The following MOV10L1 variants were observed in gnomAD, a reference collection of about 807,000 sequenced individuals.
MOV10L1 encodes RNA helicase Mov10l1.
Under a neutral mutation model 143.8 loss-of-function variants are expected in MOV10L1, and 110 were observed. The observed-to-expected ratio is 0.76, with a 90% CI of 0.66 to 0.90. The LOEUF (loss-of-function observed/expected upper bound fraction) is 0.90. Among genes scored for constraint, MOV10L1 ranks in the 40% least tolerant of loss-of-function variants. The pLI is 0.00. For synonymous variants in MOV10L1, 593 were observed against 581.1 expected (o/e 1.02, Z -0.29); for missense variants, 1,406 against 1,526.8 (o/e 0.92, Z 1.32).
chr22:50,126,130 G>C (rs2062497655), intron 11 of MOV10L1, 72 bp from the exon 12 acceptor site: 2 of 1,112,070 alleles, frequency 1.8e-6, no homozygotes, highest in Non-Finnish European at 2.7e-6. Flanking sequence ...CTCAGTGTTG[G>C]ATTTTATAGG....
chr22:50,153,364 CTTGT>C, intron 22 of MOV10L1, 146 bp downstream of exon 22: 11 of 984,796 alleles, frequency 1.1e-5, no homozygotes, highest in Non-Finnish European at 1.5e-5. Flanking sequence ...CCATCGGGGG[CTTGT>C]GCCCCCCAAG....
At chr22:50,148,452 C>T (rs891414692) in intron 19 of MOV10L1, among the ~76,000 whole-genome samples, 9 of 152,170 alleles carry the variant, frequency 5.9e-5, no homozygotes, top group East Asian at 3.9e-4. Context: ...CTTCTCCTGA[C>T]GACTCCTTCC....
rs562334764 is a variant in MOV10L1 at position 50,090,802 on chromosome 22, G to A, written c.97+617G>A. Reference sequence around the variant, plus strand: ...AGTGATTCTCCTGCCTCAGCCTCCCGAGCAGCGGGGATTATAGGCACCCGC... The same window carrying A: ...AGTGATTCTCCTGCCTCAGCCTCCCAAGCAGCGGGGATTATAGGCACCCGC... On this transcript the variant is annotated intron_variant, in intron 1 of 26. Transcript: ENST00000262794. The A allele has an allele frequency of 9.2e-5, 34 of 367,806 alleles. 1 individual carries two copies. The highest frequency in any genetic ancestry group is 1.5e-4 in the Non-Finnish European group (29 of 196,162). The allele number at this position is 367,806 out of a possible 1,614,324, so 22.8% of individuals were successfully genotyped here.
intron 3 of MOV10L1, among the ~76,000 whole-genome samples, chr22:50,105,318 G>T (rs2061841014): frequency 6.6e-6 from 1 of 152,162 alleles, no homozygotes; most frequent in Non-Finnish European, 1.5e-5. Flanking sequence ...CAAGTAAGTT[G>T]TCTCTGTCAT....
At chr22:50,160,943 G>A (rs771894454) in intron 25 of MOV10L1, 21 bp from the exon 26 acceptor site, 2 of 1,613,958 alleles carry the variant, frequency 1.2e-6, no homozygotes, top group Non-Finnish European at 1.7e-6. Flanking sequence ...CTCACACCAG[G>A]CTAATTGTTA....
intron 22 of MOV10L1, 46 bp downstream of exon 22, chr22:50,153,264 A>G: frequency 1.9e-6 from 3 of 1,560,264 alleles, no homozygotes; most frequent in Non-Finnish European, 2.6e-6. Flanking sequence ...GGGTAAGGAC[A>G]GTATGGCAGG....
chr22:50,155,798 G>C (rs1166619852), intron 22 of MOV10L1, among the ~76,000 whole-genome samples: 2 of 152,146 alleles, frequency 1.3e-5, no homozygotes, highest in Non-Finnish European at 2.9e-5. Flanking sequence ...TTAAATTCTA[G>C]GGCCGGATGT....
At chr22:50,145,114 G>A (rs1385804456) in intron 18 of MOV10L1, among the ~76,000 whole-genome samples, 1 of 151,610 alleles carries the variant, frequency 6.6e-6, no homozygotes. Context: ...AGCTAATTTT[G>A]TATTTTTAGT....
At position 50,146,781 on chromosome 22, in the gene MOV10L1, G is replaced by A. The variant is rs539600002; in HGVS notation, c.2627+971G>A. 8.5e-5 allele frequency among the ~76,000 whole-genome samples: 13 copies of A among 152,286 alleles called. No individual in the cohort carries two copies. The South Asian group carries it at 1.7e-3, about 19-fold the overall frequency. On this transcript the variant is annotated intron_variant, in intron 19 of 26. Transcript: ENST00000262794. ...CACAGCCAGCCACGCCTATCACAGC[G>A]TGTCACGGATGGTTTCATCGGCGCG... is the stretch of plus-strand genomic sequence containing the variant.
At chr22:50,092,714 C>T (rs2062483665) in intron 2 of MOV10L1, 1 of 153,048 alleles carries the variant, frequency 6.5e-6, no homozygotes, top group South Asian at 2.1e-4. Context: ...TAAAGTTTGC[C>T]TATGAATTTA....
chr22:50,151,686 G>A (rs916128357), intron 21 of MOV10L1, among the ~76,000 whole-genome samples: 3 of 152,214 alleles, frequency 2.0e-5, no homozygotes, highest in African/African-American at 7.2e-5. Context: ...CCGGAGGTTC[G>A]CCTCATCCTC....
At chr22:50,090,619 C>A (rs1602091998) in intron 1 of MOV10L1, 2 of 1,420,832 alleles carry the variant, frequency 1.4e-6, no homozygotes, top group Middle Eastern at 3.5e-4. Flanking sequence ...TCAAGCCCAT[C>A]TTTCTAAAGC....
At chr22:50,119,333 C>T (rs779280443) in intron 9 of MOV10L1, among the ~76,000 whole-genome samples, 2 of 152,132 alleles carry the variant, frequency 1.3e-5, no homozygotes, top group Non-Finnish European at 2.9e-5. Context: ...CGGGCATTGG[C>T]GGGTGCCTGC....
In MOV10L1 at chr22:50,090,180, C is replaced by T; in HGVS notation, c.92C>T (p.Ala31Val). 1.4e-6 allele frequency: 2 copies of T among 1,418,132 alleles called. No homozygotes were observed. The highest frequency in any genetic ancestry group is 1.6e-5 in the South Asian group (1 of 63,244). 87.8% of individuals were successfully genotyped at this position (1,418,132 alleles called of 1,614,324 possible). A position where few individuals can be genotyped will look rare whatever the true frequency, so the allele number is the denominator to read the frequency against. Residue 31 changes from alanine (A) to valine (V), a missense_variant, in exon 1 of 27, where the codon GCG becomes GTG. Coordinates refer to ENST00000262794, the MANE Select transcript of MOV10L1 (RefSeq NM_018995.3). ...EEAGQLEPEL[A>V]EGDTKLKTVR... The stretch of plus-strand genomic sequence containing the variant: ...GCCGGGCAGCTGGAGCCCGAGCTCG[C>T]GGAAGGTGGCTCGCGGGAGGCGGCT...
chr22:50,153,077 C>T lies in MOV10L1; in HGVS notation c.2925C>T (p.His975=), dbSNP rs150542460. 20 of 1,611,528 alleles carry T rather than the reference C, an allele frequency of 1.2e-5. No homozygotes were observed. The highest frequency in any genetic ancestry group is 8.3e-5 in the Admixed American group (5 of 59,924). ...VTKLVKNYRS[H]EALLMLPSRL... is the part of the protein sequence containing the mutation. ...AGCTGGTGAAGAACTACCGGTCCCACGAGGCCCTGCTGATGCTGCCCTCAC... is the reference window on the plus strand; with the variant it reads ...AGCTGGTGAAGAACTACCGGTCCCATGAGGCCCTGCTGATGCTGCCCTCAC... Residue 975 remains histidine, a synonymous_variant, in exon 22 of 27, where the codon CAC becomes CAT. Coordinates refer to ENST00000262794, the MANE Select transcript of MOV10L1 (RefSeq NM_018995.3).
chr22:50,141,282 C>T (rs909412835), intron 15 of MOV10L1, among the ~76,000 whole-genome samples: 23 of 151,958 alleles, frequency 1.5e-4, no homozygotes, highest in African/African-American at 2.4e-4. Context: ...GTGATCTGCC[C>T]GCCTCAGCCT....
chr22:50,122,935 G>A (rs9617030), intron 10 of MOV10L1, among the ~76,000 whole-genome samples: 34,162 of 151,764 alleles, frequency 0.23, 4,204 homozygotes, highest in Admixed American at 0.35. Flanking sequence ...CAATCCTCCC[G>A]CCTTGGCCTC....
intron 2 of MOV10L1, chr22:50,094,103 G>A (rs2062525679): frequency 6.6e-6 from 1 of 152,158 alleles, no homozygotes; most frequent in Admixed American, 6.5e-5. Context: ...CACATGTTCT[G>A]GATGAGTTTG....
chr22:50,132,605 G>A (rs9617037), intron 13 of MOV10L1, among the ~76,000 whole-genome samples: 34,206 of 152,042 alleles, frequency 0.22, 4,209 homozygotes, highest in Admixed American at 0.35. Flanking sequence ...CTAATTGCTT[G>A]TTTCTAGTAT....
Sources: gnomAD v4.1 joint callset for allele counts (sites outside exome capture counted in the v4.1 genomes callset) on GRCh38, gnomAD v4.1.1 for gene constraint, MANE v1.5 for transcripts, NCBI Gene and HGNC (gene_info 2026-07-23, HGNC 2026-07-21) for gene names.